Variants in HELZ observed in about 807,000 individuals in gnomAD.
HELZ encodes ATP-dependent RNA helicase with zinc finger domain.
A neutral mutation model predicts 218.2 loss-of-function variants in HELZ; 23 were observed. That is an observed-to-expected ratio of 0.11 (90% CI 0.08 to 0.15). HELZ has a LOEUF of 0.15. HELZ is among the 10% of genes least tolerant of loss of function. The pLI is 1.00. For missense variants in HELZ, 1,813 were observed against 2,353.7 expected (o/e 0.77, Z 4.75); for synonymous variants, 814 against 829.4 (o/e 0.98, Z 0.32).
chr17:67,073,903 T>C lies in HELZ; in HGVS notation c.*4349A>G, dbSNP rs553238944. The C allele has an allele frequency of 1.4e-4, 22 of 152,248 alleles. No individual in the cohort carries two copies. Among genetic ancestry groups the C allele is most frequent in the Non-Finnish European group, 1.5e-5 (1 of 68,012 alleles). 9.4% of individuals were successfully genotyped at this position (152,248 alleles called of 1,614,324 possible). On this transcript the variant is annotated 3_prime_UTR_variant, in exon 33 of 33. Coordinates refer to ENST00000358691, the MANE Select transcript of HELZ (RefSeq NM_014877.4). ...TCCATCCTCAAGCAGATGGGAAATG[T>C]GAGGAGCATATCATAATGAGCATTT...
intron 31 of HELZ, among the ~76,000 whole-genome samples, chr17:67,090,957 A>G (rs2036558258): frequency 6.6e-6 from 1 of 151,880 alleles, no homozygotes; most frequent in African/African-American, 2.4e-5. Context: ...TTCTTGGGGT[A>G]TAAGTTTTGA....
chr17:67,155,607 C>T (rs1056783649), intron 17 of HELZ, among the ~76,000 whole-genome samples: 5 of 152,180 alleles, frequency 3.3e-5, no homozygotes, highest in South Asian at 4.2e-4. Flanking sequence ...GAGGCCGAGG[C>T]GGGCAGATCA....
chr17:67,119,153 C>A (rs1281445899), intron 27 of HELZ, among the ~76,000 whole-genome samples: 1 of 152,096 alleles, frequency 6.6e-6, no homozygotes, highest in Non-Finnish European at 1.5e-5. Context: ...AGCAATCTCA[C>A]TCCCAGGTAT....
intron 12 of HELZ, among the ~76,000 whole-genome samples, chr17:67,185,056 A>T (rs576257314): frequency 3.3e-5 from 5 of 152,220 alleles, no homozygotes; most frequent in African/African-American, 1.2e-4. Context: ...GGAAGATCCA[A>T]TGATGAACTG....
In HELZ at chr17:67,108,778, T is replaced by TTAA. The variant is rs1205600952; in HGVS notation, c.4490-53_4490-52insTTA. On this transcript the variant is annotated intron_variant, in intron 29 of 32. Transcript: ENST00000358691. The surrounding 1 kb of genome is among the most constrained non-coding windows in gnomAD (Gnocchi z 4.1). ...TTATGAATTTGGGGTTTCAAGTTCA[T>TTAA]TATTTAAAGTTTTTTACTAACATAT... The TTAA allele has an allele frequency of 3.7e-6, 5 of 1,350,702 alleles. No individual in the cohort carries two copies. The highest frequency in any genetic ancestry group is 1.5e-5 in the African/African-American group (1 of 68,624). The allele number at this position is 1,350,702 out of a possible 1,614,324, so 83.7% of individuals were successfully genotyped here. A position where few individuals can be genotyped will look rare whatever the true frequency, so the allele number is the denominator to read the frequency against.
chr17:67,104,162 C>T (rs1275512423), intron 31 of HELZ, among the ~76,000 whole-genome samples: 6 of 152,008 alleles, frequency 3.9e-5, no homozygotes, highest in Non-Finnish European at 8.8e-5. Flanking sequence ...GGGCCGGGTG[C>T]GGTGGCTCAA....
At chr17:67,197,091 T>C (rs967537092) in intron 7 of HELZ, among the ~76,000 whole-genome samples, 2 of 152,194 alleles carry the variant, frequency 1.3e-5, no homozygotes, top group African/African-American at 4.8e-5. Flanking sequence ...TCATCTTGAA[T>C]TGTAGCTCCC....
chr17:67,094,401 G>C lies in HELZ; in HGVS notation c.5242-7320C>G, dbSNP rs868690121. On this transcript the variant is annotated intron_variant, in intron 31 of 32. Transcript: ENST00000358691. Reference sequence around the variant, plus strand: ...TTGCAGGTTTGGTGAGAGAGAGAGAGAGAGAGATACAGACATACCTTGGAG... The same window carrying C: ...TTGCAGGTTTGGTGAGAGAGAGAGACAGAGAGATACAGACATACCTTGGAG... Among the ~76,000 whole-genome samples, 215 of 151,784 alleles carry C rather than the reference G, an allele frequency of 1.4e-3. 1 individual carries two copies. The highest frequency in any genetic ancestry group is 5.0e-3 in the African/African-American group (207 of 41,318).
intron 1 of HELZ, chr17:67,244,111 A>T (rs2041399933): frequency 2.0e-6 from 1 of 491,888 alleles, no homozygotes; most frequent in African/African-American, 2.1e-5. Context: ...TACTTTCAAA[A>T]ACATAAAGAA....
chr17:67,201,327 C>T (rs901040386), intron 6 of HELZ, 142 bp from the exon 7 acceptor site: 5 of 558,200 alleles, frequency 9.0e-6, no homozygotes, highest in African/African-American at 3.7e-5. Flanking sequence ...CTACCATTAA[C>T]GATGACAATA....
chr17:67,100,079 T>C (rs779235887), intron 31 of HELZ, among the ~76,000 whole-genome samples: 1 of 152,186 alleles, frequency 6.6e-6, no homozygotes, highest in Admixed American at 6.5e-5. Context: ...GCTATCACCA[T>C]CTATTCCTAA....
intron 3 of HELZ, among the ~76,000 whole-genome samples, chr17:67,233,732 G>A (rs1376617879): frequency 6.6e-6 from 1 of 151,910 alleles, no homozygotes; most frequent in Non-Finnish European, 1.5e-5. Flanking sequence ...AAACTCCTAA[G>A]AGCCATTCTC....
chr17:67,121,460 A>G (rs1002972063), intron 26 of HELZ, among the ~76,000 whole-genome samples: 3 of 152,200 alleles, frequency 2.0e-5, no homozygotes, highest in African/African-American at 7.2e-5. Flanking sequence ...GGGAGTGGGC[A>G]TGAATTACGT....
chr17:67,168,240 A>C (rs1299902671), intron 13 of HELZ, among the ~76,000 whole-genome samples: 1 of 152,080 alleles, frequency 6.6e-6, no homozygotes, highest in Non-Finnish European at 1.5e-5. Context: ...CTGCCTCCCA[A>C]AGTGCTGCGA....
intron 31 of HELZ, among the ~76,000 whole-genome samples, chr17:67,102,762 T>C (rs1326702149): frequency 2.6e-5 from 4 of 152,180 alleles, no homozygotes; most frequent in Non-Finnish European, 2.9e-5. Flanking sequence ...GTCAAATAAA[T>C]TTTTCAGTGT....
At chr17:67,237,364 A>T (rs2041212427) in intron 3 of HELZ, among the ~76,000 whole-genome samples, 1 of 152,222 alleles carries the variant, frequency 6.6e-6, no homozygotes, top group South Asian at 2.1e-4. Flanking sequence ...TACTTTAACC[A>T]ATCAGCAAGT....
chr17:67,234,292 CAAAA>C (rs149931184), intron 3 of HELZ, among the ~76,000 whole-genome samples: 4 of 83,212 alleles, frequency 4.8e-5, no homozygotes, highest in African/African-American at 3.8e-5. Context: ...CACTGTACTC[CAAAA>C]AAAAAAAAAA....
chr17:67,130,614 A>T (rs1037225661), intron 23 of HELZ, among the ~76,000 whole-genome samples: 1 of 152,146 alleles, frequency 6.6e-6, no homozygotes, highest in Non-Finnish European at 1.5e-5. Flanking sequence ...TTCTCATCAT[A>T]ACATGAGAAA....
At chr17:67,173,983 A>G (rs1012707897) in intron 13 of HELZ, among the ~76,000 whole-genome samples, 1 of 152,254 alleles carries the variant, frequency 6.6e-6, no homozygotes, top group African/African-American at 2.4e-5. Context: ...TTGAAAATGT[A>G]TCTCTTAAAA....
Sources: gnomAD v4.1 joint callset for allele counts (sites outside exome capture counted in the v4.1 genomes callset) on GRCh38, gnomAD v4.1.1 for gene constraint, Gnocchi (gnomAD v3.1) non-coding constraint, MANE v1.5 for transcripts, NCBI Gene and HGNC (gene_info 2026-07-23, HGNC 2026-07-21) for gene names.